The following UGT1A10 variants were observed in gnomAD, a reference collection of about 807,000 sequenced individuals.
UGT1A10 encodes UDP-glucuronosyltransferase 1A10.
A neutral mutation model predicts 45.8 loss-of-function variants in UGT1A10; 49 were observed. The ratio of observed to expected loss-of-function variants is 1.07; its 90% CI spans 0.85 to 1.36. The LOEUF (loss-of-function observed/expected upper bound fraction) is 1.36, where lower values mean the gene tolerates loss of function less well. UGT1A10 is among the 40% of genes most tolerant of loss of function. The pLI is 0.00. For missense variants in UGT1A10, 745 were observed against 668.6 expected, an observed-to-expected ratio of 1.11 and a Z score of -1.26; for synonymous variants, 284 against 249.7, an observed-to-expected ratio of 1.14 and a Z score of -1.29.
At chr2:233,727,339 C>T (rs2077606972) in intron 1 of UGT1A10, among the ~76,000 whole-genome samples, 2 of 152,160 alleles carry the variant, frequency 1.3e-5, no homozygotes, top group Admixed American at 6.5e-5. Flanking sequence ...TCCTCCCTCC[C>T]CATAGTTCTG....
At chr2:233,695,166 A>AC (rs2075269757) in intron 1 of UGT1A10, among the ~76,000 whole-genome samples, 2 of 139,832 alleles carry the variant, frequency 1.4e-5, no homozygotes, top group African/African-American at 2.7e-5. Context: ...TCACTCTGTC[A>AC]TCAGGCTGGA....
Position 233,646,516 on chromosome 2 carries a change from A to G in UGT1A10, c.855+9139A>G, listed in dbSNP as rs184076735. Among the ~76,000 whole-genome samples the G allele has an allele frequency of 3.0e-4, 45 of 152,306 alleles. No homozygotes were observed. The East Asian group carries it at 6.9e-3, about 23-fold the overall frequency. On this transcript the variant is annotated intron_variant, in intron 1 of 4. Transcript: ENST00000344644. ...TAACAGCACCCAAATCACCTCTTGA[A>G]TGCTTTGCTTTTTAAAAATTTCTCA... is the stretch of plus-strand genomic sequence containing the variant.
rs367682058 is a variant in UGT1A10, at chr2:233,743,655, C to T, written c.856-23379C>T. The T allele has an allele frequency of 6.6e-6, 9 of 1,367,176 alleles. No homozygotes were observed. In the East Asian group the frequency reaches 3.2e-4, roughly 48 times the overall value. The allele number at this position is 1,367,176 out of a possible 1,614,324, so 84.7% of individuals were successfully genotyped here. ...GGGTCGCGGAAGCTGAAGACGTACT[C>T]GAAGGGGTCCTCGAAGGGCCTGCCG... On this transcript the variant is annotated intron_variant, in intron 1 of 4. Coordinates refer to ENST00000344644, the MANE Select transcript of UGT1A10 (RefSeq NM_019075.4).
intron 1 of UGT1A10, among the ~76,000 whole-genome samples, chr2:233,661,203 T>C (rs2073957521): frequency 2.0e-5 from 3 of 151,946 alleles, no homozygotes; most frequent in African/African-American, 7.2e-5. Flanking sequence ...TCCCCAACAG[T>C]CTGGTCTATT....
chr2:233,705,091 G>A (rs1166254689), intron 1 of UGT1A10, among the ~76,000 whole-genome samples: 3 of 151,666 alleles, frequency 2.0e-5, no homozygotes, highest in Admixed American at 6.6e-5. Flanking sequence ...AGCCAAGATC[G>A]TGCCATTGCA....
At chr2:233,728,557 A>T (rs190814480) in intron 1 of UGT1A10, among the ~76,000 whole-genome samples, 41 of 152,308 alleles carry the variant, frequency 2.7e-4, no homozygotes, top group African/African-American at 9.6e-4. Context: ...TGATCCTTAC[A>T]AGAAATATCC....
intron 1 of UGT1A10, chr2:233,729,122 C>T (rs559883875): frequency 1.6e-5 from 26 of 1,613,092 alleles, no homozygotes; most frequent in Middle Eastern, 3.8e-4. Context: ...GTGTCTTCTG[C>T]TGAGATGGCC....
At chr2:233,733,555 G>A (rs1474248933) in intron 1 of UGT1A10, among the ~76,000 whole-genome samples, 2 of 152,168 alleles carry the variant, frequency 1.3e-5, no homozygotes, top group East Asian at 1.9e-4. Context: ...TTCTGCATCT[G>A]TTGAAATAAT....
chr2:233,758,527 A>G (rs1696905658), intron 1 of UGT1A10, among the ~76,000 whole-genome samples: 1 of 152,232 alleles, frequency 6.6e-6, no homozygotes, highest in East Asian at 1.9e-4. Context: ...GAGTGAAAGC[A>G]TTGCTATGTC....
At chr2:233,743,695 C>T (rs751572797) in intron 1 of UGT1A10, 1 of 1,367,334 alleles carries the variant, frequency 7.3e-7, no homozygotes, top group East Asian at 4.5e-5. Flanking sequence ...TGCAGCCGCC[C>T]TCCGCCCCCG....
At chr2:233,710,619 T>C (rs1407259105) in intron 1 of UGT1A10, among the ~76,000 whole-genome samples, 1 of 152,230 alleles carries the variant, frequency 6.6e-6, no homozygotes, top group Non-Finnish European at 1.5e-5. Flanking sequence ...TCTTCTTATA[T>C]TTGAGTAGTG....
chr2:233,669,616 G>A (rs2074141141), intron 1 of UGT1A10, among the ~76,000 whole-genome samples: 1 of 152,128 alleles, frequency 6.6e-6, no homozygotes, highest in Non-Finnish European at 1.5e-5. Flanking sequence ...GACCCTTGAA[G>A]AATGTGAGGA....
At chr2:233,665,028 G>T (rs1353746253) in intron 1 of UGT1A10, among the ~76,000 whole-genome samples, 3 of 152,114 alleles carry the variant, frequency 2.0e-5, no homozygotes, top group African/African-American at 7.2e-5. Context: ...TAGTAGTTTT[G>T]TGTGCATCAT....
At chr2:233,643,123 A>G (rs2073500026) in intron 1 of UGT1A10, among the ~76,000 whole-genome samples, 3 of 152,198 alleles carry the variant, frequency 2.0e-5, no homozygotes, top group Admixed American at 2.0e-4. Context: ...CCAGACCTGC[A>G]TCCCTCCCTT....
rs745537470 is a variant in UGT1A10, at chr2:233,755,045, G to A, written c.856-11989G>A. ...TGAAGGGCCTGCCGCCTGCGCAGCC[G>A]CCCTCCGCCCTCGCCTCGCCATAGC... On this transcript the variant is annotated intron_variant, in intron 1 of 4. Transcript: ENST00000344644. 1.4e-5 allele frequency: 18 copies of A among 1,325,360 alleles called. No individual in the cohort carries two copies. The East Asian group carries it at 1.4e-4, about 10-fold the overall frequency. 82.1% of individuals were successfully genotyped at this position (1,325,360 alleles called of 1,614,324 possible). A position where few individuals can be genotyped will look rare whatever the true frequency, so the allele number is the denominator to read the frequency against.
In UGT1A10 at chr2:233,752,740, G is replaced by C. The variant is rs146813256; in HGVS notation, c.856-14294G>C. Among the ~76,000 whole-genome samples, 785 of 152,256 alleles carry C rather than the reference G, an allele frequency of 5.2e-3. 4 individuals are homozygous for C. Among genetic ancestry groups the C allele is most frequent in the Non-Finnish European group, 8.2e-3 (561 of 68,032 alleles). On this transcript the variant is annotated intron_variant, in intron 1 of 4. Coordinates refer to ENST00000344644, the MANE Select transcript of UGT1A10 (RefSeq NM_019075.4). ...GGCAACAGCTACAGAGAGAGACCCTGTCTCTAAAACAAACAAACAAACAAA... is the reference window on the plus strand; with the variant it reads ...GGCAACAGCTACAGAGAGAGACCCTCTCTCTAAAACAAACAAACAAACAAA...
chr2:233,695,081 C>T (rs188923779), intron 1 of UGT1A10, among the ~76,000 whole-genome samples: 1 of 151,880 alleles, frequency 6.6e-6, no homozygotes, highest in Non-Finnish European at 1.5e-5. Context: ...TGGACTTACT[C>T]ATTCTATCTA....
chr2:233,763,429 C>G (rs192488384), intron 1 of UGT1A10, among the ~76,000 whole-genome samples: 230 of 152,268 alleles, frequency 1.5e-3, no homozygotes, highest in South Asian at 0.014. Context: ...CAGGCAGTTG[C>G]TTTAATAAGT....
At chr2:233,722,022 T>C (rs2076987174) in intron 1 of UGT1A10, 2 of 248,590 alleles carry the variant, frequency 8.0e-6, no homozygotes, top group Non-Finnish European at 1.6e-5. Flanking sequence ...AACTGAAACC[T>C]CTTGAATTGC....
Sources: gnomAD v4.1 joint callset for allele counts (sites outside exome capture counted in the v4.1 genomes callset) on GRCh38, gnomAD v4.1.1 for gene constraint, MANE v1.5 for transcripts, NCBI Gene and HGNC (gene_info 2026-07-23, HGNC 2026-07-21) for gene names.